PPP1R21: variants seen among roughly 807,000 people sequenced by gnomAD.
PPP1R21 encodes the protein KLRAQ motif containing 1.
PPP1R21 carries 85 observed loss-of-function variants against 112.8 expected under a neutral mutation model. The ratio of observed to expected loss-of-function variants is 0.75; its 90% confidence interval spans 0.63 to 0.90. PPP1R21 has a LOEUF of 0.90. PPP1R21 is among the 40% of genes least tolerant of loss of function. PPP1R21 has a pLI of 0.00. For synonymous variants in PPP1R21, 381 were observed against 322.3 expected, an observed-to-expected ratio of 1.18 and a Z score of -1.95; for missense variants, 1,199 against 901.5, an observed-to-expected ratio of 1.33 and a Z score of -4.23.
chr2:48,449,120 A>G (rs1400203015), intron 1 of PPP1R21, among the ~76,000 whole-genome samples: 4 of 151,990 alleles, frequency 2.6e-5, no homozygotes, highest in South Asian at 2.1e-4. Flanking sequence ...AATAGAGAAC[A>G]TATCTTTTAC....
chr2:48,496,181 G>A (rs541522521), intron 16 of PPP1R21, among the ~76,000 whole-genome samples: 1 of 152,174 alleles, frequency 6.6e-6, no homozygotes, highest in South Asian at 2.1e-4. Context: ...GGAGTGGGTG[G>A]GAGTGGGAGG....
chr2:48,465,947 G>A (rs780935491), intron 9 of PPP1R21, among the ~76,000 whole-genome samples: 1 of 152,186 alleles, frequency 6.6e-6, no homozygotes, highest in Non-Finnish European at 1.5e-5. Flanking sequence ...TGGCTGGGGA[G>A]GCCTCACAAT....
chr2:48,466,744 A>G (rs1297776062), intron 9 of PPP1R21, among the ~76,000 whole-genome samples: 4 of 152,182 alleles, frequency 2.6e-5, no homozygotes, highest in African/African-American at 7.2e-5. Context: ...GAACAAAATC[A>G]TGGAGCAGGA....
chr2:48,450,858 C>G, intron 1 of PPP1R21, 150 bp from the exon 2 acceptor site: 1 of 572,738 alleles, frequency 1.7e-6, no homozygotes, highest in Non-Finnish European at 3.2e-6. Context: ...ATCTACTACC[C>G]TCTTTGGGTC....
intron 7 of PPP1R21, among the ~76,000 whole-genome samples, chr2:48,463,728 AG>A (rs1315397315): frequency 6.6e-6 from 1 of 152,090 alleles, no homozygotes; most frequent in South Asian, 2.1e-4. Flanking sequence ...AGATAGAAGC[AG>A]GGAGTGATTA....
At chr2:48,503,908 G>T (rs6722068) in intron 17 of PPP1R21, among the ~76,000 whole-genome samples, 1 of 147,044 alleles carries the variant, frequency 6.8e-6, no homozygotes, top group African/African-American at 2.5e-5. Context: ...AGTCAGGATC[G>T]CACCATTGCA....
Position 48,515,378 on chromosome 2 carries a change from T to TA in PPP1R21, c.*635dup, listed in dbSNP as rs1379334923. 6.6e-6 allele frequency: 1 copy of TA among 152,180 alleles called. No individual in the cohort carries two copies. Among genetic ancestry groups the TA allele is most frequent in the Non-Finnish European group, 1.5e-5 (1 of 68,050 alleles). 9.4% of individuals were successfully genotyped at this position (152,180 alleles called of 1,614,324 possible). A position where few individuals can be genotyped will look rare whatever the true frequency, so the allele number is the denominator to read the frequency against. On this transcript the variant is annotated 3_prime_UTR_variant, in exon 22 of 22. Coordinates refer to ENST00000294952, the MANE Select transcript of PPP1R21 (RefSeq NM_001135629.3). ...AAGTTCATGTCAATAAATTCATACTTATATCACACTTTCAGTCTCTCTATT... is the reference window on the plus strand; with the variant it reads ...AAGTTCATGTCAATAAATTCATACTTAATATCACACTTTCAGTCTCTCTATT...
chr2:48,457,598 A>C (rs961280100), intron 3 of PPP1R21, among the ~76,000 whole-genome samples: 1 of 152,196 alleles, frequency 6.6e-6, no homozygotes, highest in African/African-American at 2.4e-5. Context: ...ATAATCTTTG[A>C]GAATTTTCCT....
chr2:48,485,809 A>T (rs962161696), intron 13 of PPP1R21, among the ~76,000 whole-genome samples: 1 of 150,246 alleles, frequency 6.7e-6, no homozygotes, highest in African/African-American at 2.4e-5. Context: ...TTTGTACAGA[A>T]TTGCTATAAA....
At chr2:48,452,676 A>C (rs55707610) in intron 2 of PPP1R21, among the ~76,000 whole-genome samples, 23,389 of 151,728 alleles carry the variant, frequency 0.15, 1,977 homozygotes, top group Admixed American at 0.21. Context: ...TTTTAGTTTT[A>C]TTACTGGGTT....
At chr2:48,486,877 A>G in intron 14 of PPP1R21, 119 bp downstream of exon 14, 2 of 1,115,342 alleles carry the variant, frequency 1.8e-6, no homozygotes, top group Non-Finnish European at 2.5e-6. Flanking sequence ...ACTGTAAAAT[A>G]AAGTTGTCTC....
intron 1 of PPP1R21, among the ~76,000 whole-genome samples, chr2:48,450,270 T>C (rs982560721): frequency 4.6e-5 from 7 of 152,218 alleles, no homozygotes; most frequent in African/African-American, 1.7e-4. Flanking sequence ...TCAGCATTGC[T>C]ACTTAACTTC....
Position 48,514,985 on chromosome 2 carries a change from T to C in PPP1R21, c.*241T>C, listed in dbSNP as rs186028897. The C allele has an allele frequency of 5.3e-4, 266 of 500,770 alleles. No individual in the cohort carries two copies. The highest frequency in any genetic ancestry group is 4.8e-3 in the African/African-American group (246 of 51,548). 31.0% of individuals were successfully genotyped at this position (500,770 alleles called of 1,614,324 possible). ...AACAATACGTATGTCATGGATATTG[T>C]AGGTTTCCTTATGCTGTTTTTACTG... On this transcript the variant is annotated 3_prime_UTR_variant, in exon 22 of 22. Coordinates refer to ENST00000294952, the MANE Select transcript of PPP1R21 (RefSeq NM_001135629.3).
At chr2:48,475,621 G>A (rs1237892741) in intron 12 of PPP1R21, among the ~76,000 whole-genome samples, 1 of 152,180 alleles carries the variant, frequency 6.6e-6, no homozygotes, top group African/African-American at 2.4e-5. Context: ...GCTGAGGTGG[G>A]CAGATCACCT....
chr2:48,483,878 G>A (rs1449531077), intron 13 of PPP1R21, among the ~76,000 whole-genome samples: 1 of 151,616 alleles, frequency 6.6e-6, no homozygotes, highest in Non-Finnish European at 1.5e-5. Context: ...TATAGAGGTG[G>A]GGTCCTTCTA....
chr2:48,465,071 C>T, intron 8 of PPP1R21, 82 bp downstream of exon 8: 3 of 1,109,904 alleles, frequency 2.7e-6, no homozygotes, highest in Non-Finnish European at 3.9e-6. Context: ...GTGTTTGGAC[C>T]TCTGTTTAGT....
intron 13 of PPP1R21, among the ~76,000 whole-genome samples, chr2:48,485,770 A>C (rs1354901408): frequency 6.6e-6 from 1 of 150,868 alleles, no homozygotes; most frequent in African/African-American, 2.4e-5. Context: ...CAATCAACAA[A>C]ATTTCTTGAT....
chr2:48,489,932 C>T (rs759008130), intron 14 of PPP1R21, among the ~76,000 whole-genome samples: 23 of 152,244 alleles, frequency 1.5e-4, no homozygotes, highest in Non-Finnish European at 3.1e-4. Context: ...GTAATCCCAG[C>T]TACTGGGACA....
intron 9 of PPP1R21, 123 bp downstream of exon 9, chr2:48,465,765 A>G (rs74395349): frequency 0.032 from 23,967 of 755,972 alleles, 794 homozygotes; most frequent in African/African-American, 0.13. Flanking sequence ...CCCAAAAAGC[A>G]TAGTTTTTAC....
Sources: allele counts gnomAD v4.1 joint callset (sites outside exome capture counted in the v4.1 genomes callset), GRCh38; gene constraint gnomAD v4.1.1; transcripts MANE v1.5; gene names NCBI Gene and HGNC (gene_info 2026-07-23, HGNC 2026-07-21).